The following TBC1D19 variants were observed in gnomAD, a reference collection of about 807,000 sequenced individuals.
TBC1D19 encodes the protein TBC1 domain family, member 19.
TBC1D19 carries 60 observed loss-of-function variants against 89.0 expected under a neutral mutation model. That is an observed-to-expected ratio of 0.67 (90% CI 0.55 to 0.84). TBC1D19 has a LOEUF of 0.84. TBC1D19 is among the 40% of genes least tolerant of loss of function. TBC1D19 has a pLI of 0.00. For missense variants in TBC1D19, 500 were observed against 610.8 expected (o/e 0.82, Z 1.91); for synonymous variants, 189 against 199.7 (o/e 0.95, Z 0.45).
the TBC1D19 span, among the ~76,000 whole-genome samples, chr4:26,853,977 C>G: frequency 6.6e-6 from 1 of 152,236 alleles, no homozygotes; most frequent in Non-Finnish European, 1.5e-5. Context: ...TGTCCTCAAA[C>G]TCTCTTTTAC....
At chr4:26,656,563 C>CTT (rs771229390) in intron 7 of TBC1D19, among the ~76,000 whole-genome samples, 3 of 143,174 alleles carry the variant, frequency 2.1e-5, no homozygotes, top group Non-Finnish European at 1.5e-5. Context: ...CTTTTATCTG[C>CTT]TTTTTTTTTT....
intron 7 of TBC1D19, among the ~76,000 whole-genome samples, chr4:26,641,923 G>C (rs184915143): frequency 2.0e-5 from 3 of 152,266 alleles, no homozygotes; most frequent in Admixed American, 1.3e-4. Flanking sequence ...AGAAATATGG[G>C]ACTATGTGAA....
the TBC1D19 span, among the ~76,000 whole-genome samples, chr4:26,773,235 A>T: frequency 1.3e-5 from 2 of 152,078 alleles, no homozygotes; most frequent in Non-Finnish European, 1.5e-5. Flanking sequence ...GCTTTATTTC[A>T]TATGTTTGTT....
chr4:26,832,639 G>T, the TBC1D19 span, among the ~76,000 whole-genome samples: 1 of 152,134 alleles, frequency 6.6e-6, no homozygotes, highest in Non-Finnish European at 1.5e-5. Context: ...GGAAAAAGAG[G>T]AAGGAGCTGG....
chr4:26,740,070 C>G (rs1718267818), intron 17 of TBC1D19, 97 bp downstream of exon 17: 1 of 685,392 alleles, frequency 1.5e-6, no homozygotes, highest in Non-Finnish European at 2.2e-6. Context: ...TCTAACGCAA[C>G]AAATTTTAAT....
intron 17 of TBC1D19, among the ~76,000 whole-genome samples, chr4:26,741,362 C>CAAAA (rs34342483): frequency 2.7e-5 from 2 of 73,656 alleles, no homozygotes; most frequent in African/African-American, 5.2e-5. Flanking sequence ...GACTCTGTCT[C>CAAAA]AAAAAAAAAA....
the TBC1D19 span, chr4:26,857,666 C>A: frequency 2.0e-5 from 3 of 152,214 alleles, no homozygotes; most frequent in Non-Finnish European, 4.4e-5. Context: ...CTGGGGGAAG[C>A]CGGCAGGAGG....
chr4:26,802,667 A>G, the TBC1D19 span, among the ~76,000 whole-genome samples: 6 of 152,228 alleles, frequency 3.9e-5, no homozygotes, highest in Non-Finnish European at 8.8e-5. Context: ...AAGATACAGA[A>G]AAAAATATAT....
At chr4:26,797,557 A>G in the TBC1D19 span, among the ~76,000 whole-genome samples, 1 of 152,232 alleles carries the variant, frequency 6.6e-6, no homozygotes, top group African/African-American at 2.4e-5. Flanking sequence ...TAAAGTTCAT[A>G]GGGAACCAAA....
intron 7 of TBC1D19, among the ~76,000 whole-genome samples, chr4:26,658,219 G>A (rs1049691494): frequency 6.6e-6 from 1 of 152,138 alleles, no homozygotes; most frequent in African/African-American, 2.4e-5. Context: ...TATAGTTTTA[G>A]GTCTTATGTT....
chr4:26,631,971 G>T (rs942699679), intron 4 of TBC1D19, among the ~76,000 whole-genome samples: 4 of 151,866 alleles, frequency 2.6e-5, no homozygotes, highest in African/African-American at 9.7e-5. Context: ...TGATACAATG[G>T]GATATCTATA....
At chr4:26,618,162 G>A (rs755329427) in intron 3 of TBC1D19, among the ~76,000 whole-genome samples, 1 of 152,206 alleles carries the variant, frequency 6.6e-6, no homozygotes, top group Non-Finnish European at 1.5e-5. Flanking sequence ...GAACAGGCTA[G>A]ACAGTCTTTG....
chr4:26,583,117 T>A (rs1265695479), upstream of TBC1D19, among the ~76,000 whole-genome samples: 1 of 152,192 alleles, frequency 6.6e-6, no homozygotes, highest in Non-Finnish European at 1.5e-5. Context: ...ACTTCTGCTT[T>A]GCTTAAAATA....
At chr4:26,661,636 G>T (rs1357223105) in intron 8 of TBC1D19, among the ~76,000 whole-genome samples, 1 of 152,076 alleles carries the variant, frequency 6.6e-6, no homozygotes, top group African/African-American at 2.4e-5. Context: ...CCAAATTAGG[G>T]AATGACCACT....
At chr4:26,610,971 G>T (rs776683445) in intron 1 of TBC1D19, among the ~76,000 whole-genome samples, 1 of 152,030 alleles carries the variant, frequency 6.6e-6, no homozygotes, top group Non-Finnish European at 1.5e-5. Context: ...CCAGTAATTG[G>T]GATTGCTGGG....
At chr4:26,743,260 A>C (rs957605921) in intron 18 of TBC1D19, among the ~76,000 whole-genome samples, 1 of 152,104 alleles carries the variant, frequency 6.6e-6, no homozygotes, top group Non-Finnish European at 1.5e-5. Flanking sequence ...TTCTCCTGTT[A>C]AGGAGGGCAT....
the TBC1D19 span, among the ~76,000 whole-genome samples, chr4:26,801,135 T>G: frequency 3.3e-5 from 5 of 152,214 alleles, no homozygotes; most frequent in East Asian, 9.6e-4. Flanking sequence ...GTTTTTATGG[T>G]TTTAGGACTA....
intron 8 of TBC1D19, among the ~76,000 whole-genome samples, chr4:26,663,290 T>C (rs1745324589): frequency 6.6e-6 from 1 of 152,214 alleles, no homozygotes; most frequent in South Asian, 2.1e-4. Context: ...GTGAAACATT[T>C]ACATAGTCAC....
Position 26,673,822 on chromosome 4 carries a change from A to C in TBC1D19, c.750A>C (p.Gln250His). The change falls in exon 11 of 21, where the codon CAA (glutamine) becomes CAC (histidine). Residue 250 changes from glutamine (Q) to histidine (H), a missense_variant. Physicochemically the swap from Gln to His is conservative, Grantham distance 24. Transcript: ENST00000264866. ...CTGCTGCTCAACAGTACATCAGACA[A>C]GGAAGTCCCACGGCACTGAGAGCTG... ...DSAAAQQYIR[Q>H]GSPTALRAEL... is the part of the protein sequence containing the mutation. 1 of 1,611,576 alleles carries C rather than the reference A, an allele frequency of 6.2e-7. No homozygotes were observed. Among genetic ancestry groups the C allele is most frequent in the Non-Finnish European group, 8.5e-7 (1 of 1,178,360 alleles).
Sources: allele counts gnomAD v4.1 joint callset (sites outside exome capture counted in the v4.1 genomes callset), GRCh38; gene constraint gnomAD v4.1.1; transcripts MANE v1.5; gene names NCBI Gene and HGNC (gene_info 2026-07-23, HGNC 2026-07-21).